CHL1: variants seen among roughly 807,000 people sequenced by gnomAD.
The protein encoded by CHL1 is neural cell adhesion molecule L1-like protein.
CHL1 carries 96 observed loss-of-function variants against 141.9 expected under a neutral mutation model. That is an observed-to-expected ratio of 0.68 (90% CI 0.57 to 0.80). CHL1 has a LOEUF of 0.80. Among genes scored for constraint, CHL1 ranks in the 30% least tolerant of loss-of-function variants. The pLI is 0.00. For missense variants in CHL1, 1,820 were observed against 1,457.2 expected, an observed-to-expected ratio of 1.25 and a Z score of -4.05; for synonymous variants, 613 against 502.2, an observed-to-expected ratio of 1.22 and a Z score of -2.95.
chr3:329,477 G>A (rs330891), intron 5 of CHL1, among the ~76,000 whole-genome samples: 112,897 of 151,864 alleles, frequency 0.74, 42,323 homozygotes, highest in Middle Eastern at 0.82. Flanking sequence ...ATTTAGACTC[G>A]GAAGTAAGGT....
chr3:265,848 T>C (rs918571464), intron 2 of CHL1, among the ~76,000 whole-genome samples: 2 of 152,174 alleles, frequency 1.3e-5, no homozygotes, highest in Non-Finnish European at 2.9e-5. Flanking sequence ...GTCTCTGGGA[T>C]GGGAGAGATT....
At chr3:276,858 C>T (rs1369415899) in intron 2 of CHL1, among the ~76,000 whole-genome samples, 1 of 144,376 alleles carries the variant, frequency 6.9e-6, no homozygotes, top group African/African-American at 2.6e-5. Context: ...CACTGCACTC[C>T]AGCCTGGGTG....
In CHL1 at chr3:274,646, A is replaced by C. The variant is rs183895400; in HGVS notation, c.-95+29954A>C. Among the ~76,000 whole-genome samples the C allele has an allele frequency of 1.2e-3, 183 of 152,304 alleles. 2 individuals carry two copies. Among genetic ancestry groups the C allele is most frequent in the African/African-American group, 4.1e-3 (171 of 41,572 alleles). On this transcript the variant is annotated intron_variant, in intron 2 of 27. Transcript: ENST00000256509. ...TTACCAATAGCTTCTTTTCATTGTA[A>C]GCAGCATACAGTGTGATGCTCAAAG... is the stretch of plus-strand genomic sequence containing the variant.
intron 7 of CHL1, among the ~76,000 whole-genome samples, chr3:342,617 C>G (rs923929152): frequency 2.6e-5 from 4 of 152,252 alleles, no homozygotes; most frequent in African/African-American, 9.6e-5. Context: ...CAACAGTTTG[C>G]TGAGCGAATA....
chr3:334,296 T>C (rs951487444), intron 5 of CHL1, among the ~76,000 whole-genome samples: 2 of 152,196 alleles, frequency 1.3e-5, no homozygotes, highest in Non-Finnish European at 1.5e-5. Context: ...TTCAGCTTCC[T>C]GAATAGCTGG....
chr3:389,557 G>C lies in CHL1; in HGVS notation c.2470+83G>C, dbSNP rs1354622640. The C allele has an allele frequency of 1.2e-5, 12 of 1,037,746 alleles. No homozygotes were observed. In the East Asian group the frequency reaches 2.9e-4, roughly 25 times the overall value. The allele number at this position is 1,037,746 out of a possible 1,614,324, so 64.3% of individuals were successfully genotyped here. On this transcript the variant is annotated intron_variant, in intron 20 of 27. Coordinates refer to ENST00000256509, the MANE Select transcript of CHL1 (RefSeq NM_006614.4). Reference sequence around the variant, plus strand: ...TGTACTTCAATCAACAAATATTTGTGAACAACTACTGCATGCAAAGAGGAT... The same window carrying C: ...TGTACTTCAATCAACAAATATTTGTCAACAACTACTGCATGCAAAGAGGAT...
chr3:382,647 G>A lies in CHL1; in HGVS notation c.2152G>A (p.Asp718Asn), dbSNP rs1707185972. The A allele has an allele frequency of 2.5e-6, 4 of 1,613,614 alleles. No individual in the cohort carries two copies. Among genetic ancestry groups the A allele is most frequent in the African/African-American group, 1.3e-5 (1 of 74,880 alleles). The change falls in exon 18 of 28, where the codon GAC becomes AAC. Residue 718 changes from aspartate (D) to asparagine (N), a missense_variant. Asp to Asn is a conservative substitution (Grantham distance 23). Transcript: ENST00000256509. ...VGRSQPSQPSDHHETPPAAPD... is the reference protein window; with the variant it reads ...VGRSQPSQPSNHHETPPAAPD... Reference sequence around the variant, plus strand: ...GAGAAGTCAGCCTAGCCAGCCGTCAGACCATCATGAAACACCACCAGCAGG... The same window carrying A: ...GAGAAGTCAGCCTAGCCAGCCGTCAAACCATCATGAAACACCACCAGCAGG...
At chr3:376,678 T>C (rs1309653325) in intron 15 of CHL1, among the ~76,000 whole-genome samples, 1 of 152,238 alleles carries the variant, frequency 6.6e-6, no homozygotes, top group Non-Finnish European at 1.5e-5. Flanking sequence ...TTAAAGTATA[T>C]TCTTTCATCT....
At chr3:200,371 G>C (rs527280254) in intron 1 of CHL1, among the ~76,000 whole-genome samples, 1 of 152,128 alleles carries the variant, frequency 6.6e-6, no homozygotes, top group Non-Finnish European at 1.5e-5. Context: ...AAATGCAAAG[G>C]TATAATCAAG....
intron 2 of CHL1, among the ~76,000 whole-genome samples, chr3:303,408 G>C (rs988370933): frequency 1.1e-4 from 17 of 151,550 alleles, no homozygotes; most frequent in African/African-American, 4.1e-4. Flanking sequence ...GTCTTCTCTT[G>C]TTTCCTTGAG....
At chr3:376,434 A>T (rs1706333310) in intron 15 of CHL1, 1 of 513,888 alleles carries the variant, frequency 1.9e-6, no homozygotes, top group Non-Finnish European at 3.9e-6. Context: ...CTTTAGGTAT[A>T]CCATACCTAC....
At chr3:306,609 T>G (rs1699248358) in intron 2 of CHL1, among the ~76,000 whole-genome samples, 1 of 152,102 alleles carries the variant, frequency 6.6e-6, no homozygotes, top group Admixed American at 6.6e-5. Flanking sequence ...TGTATCACTG[T>G]TTGGTGTTTA....
rs1295553691 is a variant in CHL1 at position 342,223 on chromosome 3, A to G, written c.679+141A>G. ...CAACTCTGGAGACTTCTTCCAGATG[A>G]AATAGACATCTGCAGCTGCAGATTC... On this transcript the variant is annotated intron_variant, in intron 7 of 27. Coordinates refer to ENST00000256509, the MANE Select transcript of CHL1 (RefSeq NM_006614.4). 4.8e-6 allele frequency: 3 copies of G among 621,180 alleles called. No homozygotes were observed. The East Asian group carries it at 8.7e-5, about 18-fold the overall frequency. 38.5% of individuals were successfully genotyped at this position (621,180 alleles called of 1,614,324 possible).
chr3:295,754 C>A (rs1698132592), intron 2 of CHL1, among the ~76,000 whole-genome samples: 1 of 152,182 alleles, frequency 6.6e-6, no homozygotes, highest in African/African-American at 2.4e-5. Flanking sequence ...TAAAGTCAAG[C>A]AATGGCTGTG....
chr3:382,094 C>G, intron 16 of CHL1, 85 bp from the exon 17 acceptor site: 1 of 1,171,184 alleles, frequency 8.5e-7, no homozygotes, highest in East Asian at 2.5e-5. Flanking sequence ...CCTCCTCTGT[C>G]TCCGGGTAGC....
rs537415391 is a variant in CHL1 at position 312,365 on chromosome 3, G to A, written c.-94-7318G>A. Reference sequence around the variant, plus strand: ...ATGAAAGAGTGTTTGAATGGATATGGCTATAATGCACAGTGTTTCCTTTGT... The same window carrying A: ...ATGAAAGAGTGTTTGAATGGATATGACTATAATGCACAGTGTTTCCTTTGT... On this transcript the variant is annotated intron_variant, in intron 2 of 27. Coordinates refer to ENST00000256509, the MANE Select transcript of CHL1 (RefSeq NM_006614.4). 3.9e-5 allele frequency among the ~76,000 whole-genome samples: 6 copies of A among 152,320 alleles called. No homozygotes were observed. The South Asian group carries it at 1.2e-3, about 32-fold the overall frequency.
intron 2 of CHL1, chr3:309,309 T>TGA (rs1699538350): frequency 6.6e-6 from 1 of 152,536 alleles, no homozygotes; most frequent in Admixed American, 6.6e-5. Context: ...CCAGTTGTCG[T>TGA]GAGAGATGCC....
At chr3:308,442 C>T (rs1699438054) in intron 2 of CHL1, among the ~76,000 whole-genome samples, 1 of 151,844 alleles carries the variant, frequency 6.6e-6, no homozygotes, top group Admixed American at 6.6e-5. Flanking sequence ...CTGATATCCA[C>T]CTGAACAATT....
Position 225,736 on chromosome 3 carries a change from G to A in CHL1, c.-174-18877G>A, listed in dbSNP as rs192795955. On this transcript the variant is annotated intron_variant, in intron 1 of 27. Transcript: ENST00000256509. ...AGTTAAGAATAGGTTATGGCCAAGCGTGGTGGCTCACGCCTGTAATCCCAG... is the reference window on the plus strand; with the variant it reads ...AGTTAAGAATAGGTTATGGCCAAGCATGGTGGCTCACGCCTGTAATCCCAG... 6.3e-3 allele frequency among the ~76,000 whole-genome samples: 953 copies of A among 152,224 alleles called. 6 individuals carry two copies. Among genetic ancestry groups the A allele is most frequent in the African/African-American group, 0.019 (804 of 41,560 alleles).
Sources: gnomAD v4.1 joint callset for allele counts (sites outside exome capture counted in the v4.1 genomes callset) on GRCh38, gnomAD v4.1.1 for gene constraint, MANE v1.5 for transcripts, NCBI Gene and HGNC (gene_info 2026-07-23, HGNC 2026-07-21) for gene names.